Variants in PHF12 observed in about 807,000 individuals in gnomAD.
The protein encoded by PHF12 is PHD finger protein 12, also known as PHD factor 1.
In PHF12, 6 loss-of-function variants were observed where a neutral mutation model predicts 99.8. The observed-to-expected ratio is 0.06, with a 90% CI of 0.03 to 0.12. The LOEUF (loss-of-function observed/expected upper bound fraction) is 0.12. Among genes scored for constraint, PHF12 ranks in the 10% least tolerant of loss-of-function variants. PHF12 has a pLI of 1.00. For synonymous variants in PHF12, 480 were observed against 514.9 expected (o/e 0.93, Z 0.92); for missense variants, 954 against 1,300.1 (o/e 0.73, Z 4.09).
chr17:28,939,413 T>C (rs1382287277), intron 2 of PHF12, among the ~76,000 whole-genome samples: 1 of 152,228 alleles, frequency 6.6e-6, no homozygotes, highest in Non-Finnish European at 1.5e-5. Context: ...TTTAATGAGA[T>C]TAATGGAGCA....
intron 2 of PHF12, among the ~76,000 whole-genome samples, chr17:28,929,505 A>G (rs1429628466): frequency 1.3e-5 from 2 of 152,186 alleles, no homozygotes; most frequent in African/African-American, 4.8e-5. Flanking sequence ...TCGGCCTCCC[A>G]AAGTGCTGGG....
In PHF12 at chr17:28,910,232, T is replaced by A. The variant is rs1319915994; in HGVS notation, c.2353A>T (p.Ile785Leu). 2 of 1,614,098 alleles carry A rather than the reference T, an allele frequency of 1.2e-6. No individual in the cohort carries two copies. The highest frequency in any genetic ancestry group is 1.7e-6 in the Non-Finnish European group (2 of 1,180,056). The stretch of plus-strand genomic sequence containing the variant: ...CAGGTGTGTACATGCGCACCTTCTA[T>A]GTGGTGCCCTCCAGAAGCCAGCTGA... ...THQLASGGHH[I>L]EVQRKEVQAR... Residue 785 changes from isoleucine (I) to leucine (L), a missense_variant, in exon 11 of 15, where the codon ATA becomes TTA. By Grantham distance (5) the Ile-to-Leu change is conservative (BLOSUM62 2). This residue lies in a region of PHF12 where 143 missense variants were observed against 191.8 expected (regional missense o/e 0.75). Coordinates refer to ENST00000332830, the MANE Select transcript of PHF12 (RefSeq NM_001033561.2).
intron 2 of PHF12, among the ~76,000 whole-genome samples, chr17:28,932,744 G>A (rs1034935338): frequency 6.6e-6 from 1 of 152,096 alleles, no homozygotes; most frequent in African/African-American, 2.4e-5. Flanking sequence ...TCAGGAATTC[G>A]AGACCAGCCT....
At chr17:28,928,845 C>A (rs565750023) in intron 2 of PHF12, among the ~76,000 whole-genome samples, 1 of 152,040 alleles carries the variant, frequency 6.6e-6, no homozygotes, top group Non-Finnish European at 1.5e-5. Context: ...CACTTGTAAT[C>A]CCAGCACTTT....
rs979587290 is a variant in PHF12 at position 28,949,985 on chromosome 17, G to A, written c.248+80C>T. The A allele has an allele frequency of 7.1e-7, 1 of 1,408,242 alleles. No individual in the cohort carries two copies. The highest frequency in any genetic ancestry group is 9.4e-7 in the Non-Finnish European group (1 of 1,060,470). The allele number at this position is 1,408,242 out of a possible 1,614,324, so 87.2% of individuals were successfully genotyped here. ...AGCGGCTGCAAGCGCCCGTTATTTC[G>A]GCAGTCAGGGGCAGGCCGGGTGAAG... On this transcript the variant is annotated intron_variant, in intron 2 of 14. Coordinates refer to ENST00000332830, the MANE Select transcript of PHF12 (RefSeq NM_001033561.2). This position sits in a 1 kb window ranked among gnomAD's most constrained non-coding sequence, Gnocchi z 4.6.
chr17:28,943,676 A>G (rs1007958488), intron 2 of PHF12, among the ~76,000 whole-genome samples: 2 of 152,072 alleles, frequency 1.3e-5, no homozygotes, highest in Non-Finnish European at 2.9e-5. Flanking sequence ...ACCAACAACA[A>G]AGAAAACTGG....
Position 28,950,404 on chromosome 17 carries a change from G to T in PHF12, c.67-158C>A. 1 of 794,026 alleles carries T rather than the reference G, an allele frequency of 1.3e-6. No individual in the cohort carries two copies. Among genetic ancestry groups the T allele is most frequent in the East Asian group, 2.8e-5 (1 of 36,350 alleles). The allele number at this position is 794,026 out of a possible 1,614,324, so 49.2% of individuals were successfully genotyped here. ...CAGAATCTCTCAGCCCCCGGAACCA[G>T]GGGGAGCCCACCCTAACCGCGTTCC... On this transcript the variant is annotated intron_variant, in intron 1 of 14. Transcript: ENST00000332830. This position sits in a 1 kb window ranked among gnomAD's most constrained non-coding sequence, Gnocchi z 5.7.
At chr17:28,928,349 G>C (rs763830776) in intron 2 of PHF12, 3 of 152,200 alleles carry the variant, frequency 2.0e-5, no homozygotes, top group Non-Finnish European at 4.4e-5. Context: ...AGTTTGTTAT[G>C]CAACAATAGA....
intron 2 of PHF12, among the ~76,000 whole-genome samples, chr17:28,929,052 T>C (rs1020225708): frequency 6.6e-6 from 1 of 151,104 alleles, no homozygotes; most frequent in Non-Finnish European, 1.5e-5. Flanking sequence ...GCCGAGACAG[T>C]GCCACTGCAC....
Position 28,950,106 on chromosome 17 carries a change from C to T in PHF12, c.207G>A (p.Leu69=). The T allele has an allele frequency of 6.2e-7, 1 of 1,613,000 alleles. No homozygotes were observed. Among genetic ancestry groups the T allele is most frequent in the Non-Finnish European group, 8.5e-7 (1 of 1,179,604 alleles). ...AGGCAGCCGGGCAGTGGTCGCAGCA[C>T]AGGAGATCTCCACCTTCCTTGCAGC... The part of the protein sequence containing the change: ...CDSCKEGGDL[L]CCDHCPAAFH... Residue 69 remains leucine, a synonymous_variant, in exon 2 of 15, where the codon CTG becomes CTA. Coordinates refer to ENST00000332830, the MANE Select transcript of PHF12 (RefSeq NM_001033561.2). The surrounding 1 kb of genome is among the most constrained non-coding windows in gnomAD (Gnocchi z 5.7).
Position 28,927,041 on chromosome 17 carries a change from T to C in PHF12, c.271A>G (p.Met91Val). The C allele has an allele frequency of 6.2e-7, 1 of 1,614,148 alleles. No homozygotes were observed. The highest frequency in any genetic ancestry group is 2.2e-5 in the East Asian group (1 of 44,882). The change falls in exon 3 of 15, where the codon ATG (methionine) becomes GTG (valine). Residue 91 changes from methionine to valine, a missense_variant. Coordinates refer to ENST00000332830, the MANE Select transcript of PHF12 (RefSeq NM_001033561.2). Reference sequence around the variant, plus strand: ...CACATCCACTCTCCAGGAGGCAACATTTCTTCACTCAGTGGAGGGTTACTG... The same window carrying C: ...CACATCCACTCTCCAGGAGGCAACACTTCTTCACTCAGTGGAGGGTTACTG... ...QCCNPPLSEE[M>V]LPPGEWMCHR... is the part of the protein sequence containing the mutation.
chr17:28,930,883 C>T (rs183148237), intron 2 of PHF12, among the ~76,000 whole-genome samples: 145 of 152,058 alleles, frequency 9.5e-4, no homozygotes, highest in African/African-American at 3.1e-3. Context: ...CCAGCCTGGG[C>T]GACATGGTGA....
In PHF12 at chr17:28,950,022, GAAGGGTCCGCCAAGAAGCTCCAA is replaced by G. The variant is rs746677043; in HGVS notation, c.248+20_248+42del. On this transcript the variant is annotated intron_variant, in intron 2 of 14. Coordinates refer to ENST00000332830, the MANE Select transcript of PHF12 (RefSeq NM_001033561.2). This position sits in a 1 kb window ranked among gnomAD's most constrained non-coding sequence, Gnocchi z 5.7. ...CAGGCCGGGTGAAGGAATGCGCAGAGAAGGGTCCGCCAAGAAGCTCCAAAAGGGTCCCCAGACCTTACCAGCAC... is the reference window on the plus strand; with the variant it reads ...CAGGCCGGGTGAAGGAATGCGCAGAGAAGGGTCCCCAGACCTTACCAGCAC... The G allele has an allele frequency of 6.6e-6, 10 of 1,524,174 alleles. No individual in the cohort carries two copies. Among genetic ancestry groups the G allele is most frequent in the Non-Finnish European group, 8.9e-6 (10 of 1,129,202 alleles). The allele number at this position is 1,524,174 out of a possible 1,614,324, so 94.4% of individuals were successfully genotyped here.
intron 2 of PHF12, among the ~76,000 whole-genome samples, chr17:28,932,796 A>G (rs2040437818): frequency 6.6e-6 from 1 of 152,038 alleles, no homozygotes; most frequent in South Asian, 2.1e-4. Context: ...AAACACAAAA[A>G]TTGGCTGGGT....
At position 28,924,034 on chromosome 17, in the gene PHF12, G is replaced by A. The variant is rs568207986; in HGVS notation, c.590C>T (p.Ala197Val). 45 of 1,614,170 alleles carry A rather than the reference G, an allele frequency of 2.8e-5. No homozygotes were observed. Among genetic ancestry groups the A allele is most frequent in the Middle Eastern group, 1.7e-4 (1 of 6,060 alleles). Residue 197 changes from alanine to valine, a missense_variant, in exon 4 of 15, where the codon GCG becomes GTG. Coordinates refer to ENST00000332830, the MANE Select transcript of PHF12 (RefSeq NM_001033561.2). ...IIDVDEEPVA[A>V]EPDYVQPQLR... Reference sequence around the variant, plus strand: ...CTGGGGCTGCACATAGTCTGGCTCCGCTGCTACTGGTTCCTCATCCACGTC... The same window carrying A: ...CTGGGGCTGCACATAGTCTGGCTCCACTGCTACTGGTTCCTCATCCACGTC...
At chr17:28,944,555 G>C in intron 2 of PHF12, 4 of 975,914 alleles carry the variant, frequency 4.1e-6, no homozygotes, top group Non-Finnish European at 4.9e-6. Context: ...CGTAAGGCAG[G>C]AGAATCACTT....
At chr17:28,931,053 C>G (rs1178679843) in intron 2 of PHF12, among the ~76,000 whole-genome samples, 1 of 151,956 alleles carries the variant, frequency 6.6e-6, no homozygotes, top group Non-Finnish European at 1.5e-5. Flanking sequence ...AGAGTGAGAC[C>G]CTGTCTCAAA....
At chr17:28,909,103 T>C in intron 11 of PHF12, 1 of 550,012 alleles carries the variant, frequency 1.8e-6, no homozygotes, top group South Asian at 2.1e-5. Flanking sequence ...TCTTTGAAGA[T>C]GGTCAGAGAA....
chr17:28,930,515 T>G (rs1322641290), intron 2 of PHF12, among the ~76,000 whole-genome samples: 1 of 152,206 alleles, frequency 6.6e-6, no homozygotes, highest in Non-Finnish European at 1.5e-5. Flanking sequence ...GCAACTGTTT[T>G]GTGGGTTAAA....
Sources: allele counts gnomAD v4.1 joint callset (sites outside exome capture counted in the v4.1 genomes callset), GRCh38; gene constraint gnomAD v4.1.1; regional missense constraint gnomAD v4.1.1; non-coding constraint Gnocchi (gnomAD v3.1); transcripts MANE v1.5; gene names NCBI Gene and HGNC (gene_info 2026-07-23, HGNC 2026-07-21).